Variants in BICC1 observed in about 807,000 individuals in gnomAD.
The protein encoded by BICC1 is protein bicaudal C homolog 1.
Under a neutral mutation model 111.0 loss-of-function variants are expected in BICC1, and 43 were observed. That is an observed-to-expected ratio of 0.39 (90% confidence interval 0.30 to 0.50). The LOEUF (loss-of-function observed/expected upper bound fraction) is 0.50, where lower values mean the gene tolerates loss of function less well. BICC1 is among the 20% of genes least tolerant of loss of function. BICC1 has a pLI of 0.88. For synonymous variants in BICC1, 467 were observed against 434.4 expected, an observed-to-expected ratio of 1.07 and a Z score of -0.93; for missense variants, 1,091 against 1,203.2, an observed-to-expected ratio of 0.91 and a Z score of 1.38.
At position 58,702,149 on chromosome 10, in the gene BICC1, T is replaced by C. The variant is rs769389735; in HGVS notation, c.307+6T>C. Reference sequence around the variant, plus strand: ...CGGAGCCAAATCCAAGAAAGGTAAATTGTGAGAGGGCAAGAAATAGGTGGT... The same window carrying C: ...CGGAGCCAAATCCAAGAAAGGTAAACTGTGAGAGGGCAAGAAATAGGTGGT... On this transcript the variant is annotated splice_donor_region_variant and intron_variant, in intron 3 of 20. Transcript: ENST00000373886. 6.2e-7 allele frequency: 1 copy of C among 1,609,106 alleles called. No individual in the cohort carries two copies. The highest frequency in any genetic ancestry group is 8.5e-7 in the Non-Finnish European group (1 of 1,176,404).
intron 1 of BICC1, among the ~76,000 whole-genome samples, chr10:58,596,591 C>G (rs1844821595): frequency 6.6e-6 from 1 of 152,126 alleles, no homozygotes; most frequent in Non-Finnish European, 1.5e-5. Context: ...AAAGCGTATT[C>G]AAATAGGAAG....
intron 3 of BICC1, among the ~76,000 whole-genome samples, chr10:58,737,409 C>A (rs1174805745): frequency 6.6e-6 from 1 of 152,178 alleles, no homozygotes; most frequent in Non-Finnish European, 1.5e-5. Flanking sequence ...TCATCCATGT[C>A]CCTGCAAAGC....
intron 2 of BICC1, among the ~76,000 whole-genome samples, chr10:58,624,777 A>C (rs1845935350): frequency 6.6e-6 from 1 of 152,062 alleles, no homozygotes; most frequent in Admixed American, 6.6e-5. Flanking sequence ...TGTTTTTAGT[A>C]GAGATGGGCT....
intron 3 of BICC1, among the ~76,000 whole-genome samples, chr10:58,763,902 T>C (rs1281632312): frequency 6.6e-6 from 1 of 151,570 alleles, no homozygotes; most frequent in Non-Finnish European, 1.5e-5. Flanking sequence ...GCAAAAGGCC[T>C]GGAAGAGAAT....
chr10:58,611,615 AC>A (rs1845423369), intron 1 of BICC1, among the ~76,000 whole-genome samples: 1 of 151,816 alleles, frequency 6.6e-6, no homozygotes, highest in African/African-American at 2.4e-5. Context: ...AGCTGGGATT[AC>A]AGGCATGCTC....
At chr10:58,679,859 C>G (rs1306662915) in intron 2 of BICC1, among the ~76,000 whole-genome samples, 1 of 152,170 alleles carries the variant, frequency 6.6e-6, no homozygotes, top group African/African-American at 2.4e-5. Flanking sequence ...GGCTTTATCC[C>G]TGGGATGCGC....
At chr10:58,692,237 T>C (rs1245296456) in intron 2 of BICC1, among the ~76,000 whole-genome samples, 3 of 152,124 alleles carry the variant, frequency 2.0e-5, no homozygotes, top group Non-Finnish European at 4.4e-5. Flanking sequence ...GTTTTCTTAG[T>C]GGAAGGCACA....
At chr10:58,602,001 C>A (rs1260716468) in intron 1 of BICC1, among the ~76,000 whole-genome samples, 1 of 151,972 alleles carries the variant, frequency 6.6e-6, no homozygotes, top group Non-Finnish European at 1.5e-5. Flanking sequence ...TAGAGCATTG[C>A]CAACTATTAA....
chr10:58,698,952 G>A (rs1269858828), intron 2 of BICC1, among the ~76,000 whole-genome samples: 1 of 152,168 alleles, frequency 6.6e-6, no homozygotes, highest in Non-Finnish European at 1.5e-5. Flanking sequence ...ACAAATAAAG[G>A]ATGTCTGCAA....
At chr10:58,521,023 T>C (rs1454949908) in intron 1 of BICC1, among the ~76,000 whole-genome samples, 1 of 152,158 alleles carries the variant, frequency 6.6e-6, no homozygotes, top group East Asian at 1.9e-4. Context: ...TCCTATCTTT[T>C]TCACTTAGCG....
chr10:58,540,780 C>A (rs1842950493), intron 1 of BICC1, among the ~76,000 whole-genome samples: 1 of 152,008 alleles, frequency 6.6e-6, no homozygotes, highest in African/African-American at 2.4e-5. Flanking sequence ...TACTCTGATA[C>A]CAAAACCAGG....
intron 1 of BICC1, among the ~76,000 whole-genome samples, chr10:58,542,128 G>A (rs1323780711): frequency 7.3e-6 from 1 of 137,080 alleles, no homozygotes; most frequent in Non-Finnish European, 1.5e-5. Context: ...TCCAGCCCAG[G>A]TGACAGAGCA....
At chr10:58,778,360 C>T (rs1247284471) in intron 3 of BICC1, among the ~76,000 whole-genome samples, 1 of 152,088 alleles carries the variant, frequency 6.6e-6, no homozygotes, top group Non-Finnish European at 1.5e-5. Flanking sequence ...TAATTTTTGA[C>T]TCCCCAAAAA....
chr10:58,590,229 G>A (rs2132037321), intron 1 of BICC1, among the ~76,000 whole-genome samples: 1 of 152,272 alleles, frequency 6.6e-6, no homozygotes, highest in South Asian at 2.1e-4. Context: ...GCCAAAACCA[G>A]TGCTGTTGCT....
chr10:58,554,615 G>GA (rs576326952), intron 1 of BICC1, among the ~76,000 whole-genome samples: 1 of 151,562 alleles, frequency 6.6e-6, no homozygotes, highest in East Asian at 1.9e-4. Context: ...GCAAACATCA[G>GA]AAAAAAAATG....
chr10:58,771,043 A>G (rs1842611388), intron 3 of BICC1, among the ~76,000 whole-genome samples: 1 of 152,234 alleles, frequency 6.6e-6, no homozygotes, highest in Non-Finnish European at 1.5e-5. Flanking sequence ...TCCTTACAAC[A>G]ATCTATTTCT....
At chr10:58,560,337 AGTTT>A (rs978118990) in intron 1 of BICC1, among the ~76,000 whole-genome samples, 1 of 151,994 alleles carries the variant, frequency 6.6e-6, no homozygotes, top group Non-Finnish European at 1.5e-5. Flanking sequence ...TAGGTTTTCT[AGTTT>A]GTTAACATAA....
intron 2 of BICC1, among the ~76,000 whole-genome samples, chr10:58,657,468 T>A (rs1264896457): frequency 6.6e-6 from 1 of 152,202 alleles, no homozygotes; most frequent in Non-Finnish European, 1.5e-5. Context: ...AACATTCCCT[T>A]GATTGAACTG....
chr10:58,722,623 G>A (rs1027674070), intron 3 of BICC1, among the ~76,000 whole-genome samples: 3 of 152,138 alleles, frequency 2.0e-5, no homozygotes, highest in South Asian at 2.1e-4. Context: ...CCATGATCAC[G>A]TTAGTTATCT....
Sources: allele counts gnomAD v4.1 joint callset (sites outside exome capture counted in the v4.1 genomes callset), GRCh38; gene constraint gnomAD v4.1.1; transcripts MANE v1.5; gene names NCBI Gene and HGNC (gene_info 2026-07-23, HGNC 2026-07-21).